RBMS3: variants seen among roughly 807,000 people sequenced by gnomAD.
RBMS3 encodes the protein RNA-binding motif, single-stranded-interacting protein 3.
In RBMS3, 27 loss-of-function variants were observed where a neutral mutation model predicts 66.8. That is an observed-to-expected ratio of 0.40 (90% CI 0.30 to 0.56). RBMS3 has a LOEUF of 0.56. Among genes scored for constraint, RBMS3 ranks in the 20% least tolerant of loss-of-function variants. RBMS3 has a pLI of 0.40. For synonymous variants in RBMS3, 188 were observed against 183.0 expected, an observed-to-expected ratio of 1.03 and a Z score of -0.22; for missense variants, 513 against 549.5, an observed-to-expected ratio of 0.93 and a Z score of 0.66.
intron 4 of RBMS3, among the ~76,000 whole-genome samples, chr3:29,613,097 T>C (rs1282370480): frequency 6.6e-6 from 1 of 152,106 alleles, no homozygotes; most frequent in African/African-American, 2.4e-5. Flanking sequence ...TGCTTCATTG[T>C]TTTCATCTTG....
intron 2 of RBMS3, among the ~76,000 whole-genome samples, chr3:29,473,581 T>C (rs6790164): frequency 0.99 from 150,363 of 152,298 alleles, 74,236 homozygotes; most frequent in East Asian, 1. Context: ...GAGGCTCGGG[T>C]GCACAGGAGC....
At chr3:29,565,115 C>G (rs372637592) in intron 3 of RBMS3, among the ~76,000 whole-genome samples, 1 of 152,048 alleles carries the variant, frequency 6.6e-6, no homozygotes, top group East Asian at 1.9e-4. Context: ...GCAAAATAAA[C>G]TGATATAAAA....
At chr3:29,488,231 C>T (rs1184797279) in intron 2 of RBMS3, among the ~76,000 whole-genome samples, 3 of 152,152 alleles carry the variant, frequency 2.0e-5, no homozygotes, top group East Asian at 3.9e-4. Context: ...ATTTTTGAAG[C>T]TCAACCCATT....
chr3:29,317,859 C>T (rs2034780642), intron 1 of RBMS3, among the ~76,000 whole-genome samples: 1 of 151,762 alleles, frequency 6.6e-6, no homozygotes, highest in South Asian at 2.1e-4. Context: ...AACAGCTTGT[C>T]TTATCACCCT....
At chr3:29,864,179 A>T (rs1052808837) in intron 6 of RBMS3, among the ~76,000 whole-genome samples, 6 of 152,338 alleles carry the variant, frequency 3.9e-5, no homozygotes, top group Middle Eastern at 3.4e-3. Flanking sequence ...TTTTTCTAGT[A>T]GTAAAATACA....
At chr3:29,639,750 G>A (rs9838030) in intron 4 of RBMS3, among the ~76,000 whole-genome samples, 11,931 of 151,792 alleles carry the variant, frequency 0.079, 828 homozygotes, top group East Asian at 0.35. Flanking sequence ...CTGAGAGAAG[G>A]ATGAGTGTGA....
intron 6 of RBMS3, among the ~76,000 whole-genome samples, chr3:29,768,382 A>G (rs750582825): frequency 6.6e-6 from 1 of 151,906 alleles, no homozygotes; most frequent in Non-Finnish European, 1.5e-5. Context: ...AACTGATTAG[A>G]TATATAAGAC....
chr3:29,469,642 A>G (rs188516371), intron 2 of RBMS3, among the ~76,000 whole-genome samples: 12 of 150,712 alleles, frequency 8.0e-5, no homozygotes, highest in African/African-American at 2.9e-4. Flanking sequence ...TAAATAGACA[A>G]CTAACATGGG....
intron 4 of RBMS3, among the ~76,000 whole-genome samples, chr3:29,728,415 G>A (rs934251433): frequency 6.6e-6 from 1 of 152,070 alleles, no homozygotes; most frequent in Non-Finnish European, 1.5e-5. Flanking sequence ...AATGATGCCG[G>A]CAATCGTGAT....
intron 1 of RBMS3, among the ~76,000 whole-genome samples, chr3:29,321,697 A>G (rs548343812): frequency 3.5e-4 from 54 of 152,270 alleles, no homozygotes; most frequent in African/African-American, 1.1e-3. Flanking sequence ...CATTTTAACA[A>G]GAGCTCCTTC....
chr3:29,908,579 C>T (rs1217488086), intron 10 of RBMS3, among the ~76,000 whole-genome samples: 1 of 151,982 alleles, frequency 6.6e-6, no homozygotes, highest in Non-Finnish European at 1.5e-5. Context: ...TTTTAATGCC[C>T]TTGATTGTCA....
At chr3:29,442,230 G>T (rs1559364989) in intron 2 of RBMS3, among the ~76,000 whole-genome samples, 1 of 151,978 alleles carries the variant, frequency 6.6e-6, no homozygotes, top group Admixed American at 6.6e-5. Flanking sequence ...GCCGACTATA[G>T]TTTAGTGAAC....
At chr3:29,744,587 GCCTGGCCAA>G (rs1390756455) in intron 5 of RBMS3, among the ~76,000 whole-genome samples, 1 of 152,144 alleles carries the variant, frequency 6.6e-6, no homozygotes, top group Non-Finnish European at 1.5e-5. Flanking sequence ...TTCGAGGCCA[GCCTGGCCAA>G]CATAGCGAAA....
intron 6 of RBMS3, among the ~76,000 whole-genome samples, chr3:29,824,535 T>C (rs1163025853): frequency 1.3e-5 from 2 of 152,182 alleles, no homozygotes; most frequent in African/African-American, 4.8e-5. Flanking sequence ...TGTTCTCAAC[T>C]TCCCATTGTT....
chr3:29,370,482 T>C (rs1372547715), intron 1 of RBMS3, among the ~76,000 whole-genome samples: 2 of 152,216 alleles, frequency 1.3e-5, no homozygotes, highest in East Asian at 1.9e-4. Context: ...GCACACCCTT[T>C]AGATTTAGTA....
At chr3:29,397,964 T>C (rs1215927014) in intron 1 of RBMS3, among the ~76,000 whole-genome samples, 2 of 152,164 alleles carry the variant, frequency 1.3e-5, no homozygotes, top group Non-Finnish European at 2.9e-5. Flanking sequence ...TGAGCAAGTA[T>C]TCAAACTATG....
intron 12 of RBMS3, among the ~76,000 whole-genome samples, chr3:29,971,040 C>T (rs1171275327): frequency 2.0e-5 from 3 of 152,184 alleles, no homozygotes; most frequent in Non-Finnish European, 2.9e-5. Context: ...TCCCATTCCC[C>T]GCTTTATAAC....
rs749839563 is a variant in RBMS3 at position 29,648,263 on chromosome 3, A to ATTTTTTTT, written c.399+61073_399+61080dup. ...AACATAGGGAAAATAGAAAATGTCT[A>ATTTTTTTT]TTTTTTTTTTTTTTTTTTTTTTGCG... is the stretch of plus-strand genomic sequence containing the variant. On this transcript the variant is annotated intron_variant, in intron 4 of 14. Coordinates refer to ENST00000383767, the MANE Select transcript of RBMS3 (RefSeq NM_001003793.3). Among the ~76,000 whole-genome samples, 118 of 77,622 alleles carry ATTTTTTTT rather than the reference A, an allele frequency of 1.5e-3. 2 individuals carry two copies. Among genetic ancestry groups the ATTTTTTTT allele is most frequent in the Admixed American group, 2.1e-3 (13 of 6,256 alleles). 50.9% of individuals were successfully genotyped at this position (77,622 alleles called of 152,430 possible). A position where few individuals can be genotyped will look rare whatever the true frequency, so the allele number is the denominator to read the frequency against.
intron 3 of RBMS3, among the ~76,000 whole-genome samples, chr3:29,530,691 C>T (rs1261756836): frequency 2.1e-5 from 3 of 141,300 alleles, no homozygotes; most frequent in African/African-American, 7.9e-5. Context: ...GAAACGCCAT[C>T]TCTACTAAAA....
Sources: gnomAD v4.1 joint callset for allele counts (sites outside exome capture counted in the v4.1 genomes callset) on GRCh38, gnomAD v4.1.1 for gene constraint, MANE v1.5 for transcripts, NCBI Gene and HGNC (gene_info 2026-07-23, HGNC 2026-07-21) for gene names.